The following SIRPG variants were observed in gnomAD, a reference collection of about 807,000 sequenced individuals.
The protein encoded by SIRPG is signal regulatory protein gamma.
In SIRPG, 38 loss-of-function variants were observed where a neutral mutation model predicts 35.7. That is an observed-to-expected ratio of 1.06 (90% confidence interval 0.82 to 1.40). SIRPG has a LOEUF of 1.40. SIRPG is among the 40% of genes most tolerant of loss of function. SIRPG has a pLI of 0.00. For missense variants in SIRPG, 519 were observed against 483.0 expected (o/e 1.07, Z -0.70); for synonymous variants, 215 against 190.4 (o/e 1.13, Z -1.06).
chr20:1,632,075 G>T (rs927971075), intron 4 of SIRPG, among the ~76,000 whole-genome samples: 1 of 152,148 alleles, frequency 6.6e-6, no homozygotes, highest in Non-Finnish European at 1.5e-5. Context: ...TTCAACGGTT[G>T]CTATGCTGGG....
intron 2 of SIRPG, among the ~76,000 whole-genome samples, chr20:1,642,364 T>C (rs1173698477): frequency 1.3e-5 from 2 of 152,198 alleles, no homozygotes; most frequent in East Asian, 3.8e-4. Context: ...GTTTAAAGTT[T>C]GTTTTGTCAG....
upstream of SIRPG, among the ~76,000 whole-genome samples, chr20:1,660,544 C>T (rs1051157646): frequency 6.6e-6 from 1 of 152,158 alleles, no homozygotes; most frequent in South Asian, 2.1e-4. Flanking sequence ...AGAATCTGTG[C>T]TTAGAGCAGC....
chr20:1,649,436 T>C, intron 1 of SIRPG, 28 bp from the exon 2 acceptor site: 1 of 1,565,492 alleles, frequency 6.4e-7, no homozygotes, highest in Non-Finnish European at 8.7e-7. Flanking sequence ...GCAATCATTT[T>C]TTCATCCTTA....
At chr20:1,643,843 T>C (rs1035064940) in intron 2 of SIRPG, among the ~76,000 whole-genome samples, 13 of 152,098 alleles carry the variant, frequency 8.5e-5, no homozygotes, top group Non-Finnish European at 1.6e-4. Context: ...GCTGCTGCAG[T>C]TTGTTGGGGG....
the SIRPG span, among the ~76,000 whole-genome samples, chr20:1,685,589 G>C: frequency 6.6e-6 from 1 of 152,144 alleles, no homozygotes; most frequent in Non-Finnish European, 1.5e-5. Context: ...TGTAATTTTA[G>C]CTGCCCAGTC....
chr20:1,656,892 GA>G (rs1445624931), intron 1 of SIRPG, among the ~76,000 whole-genome samples: 1 of 151,940 alleles, frequency 6.6e-6, no homozygotes, highest in African/African-American at 2.4e-5. Context: ...TTTTTAATTT[GA>G]AAAATCAGAC....
rs16995649 is a variant in SIRPG at position 1,630,678 on chromosome 20, G to A, written c.1082-372C>T. 516 of 220,654 alleles carry A rather than the reference G, an allele frequency of 2.3e-3. 4 individuals carry two copies. The highest frequency in any genetic ancestry group is 0.012 in the African/African-American group (502 of 42,258). 13.7% of individuals were successfully genotyped at this position (220,654 alleles called of 1,614,324 possible). On this transcript the variant is annotated intron_variant, in intron 4 of 5. Coordinates refer to ENST00000303415, the MANE Select transcript of SIRPG (RefSeq NM_018556.4). ...CATGGATTTTAGGGAGGGTCACAAG[G>A]TTACTTGCATTCAAACCTAAAGAAG...
At chr20:1,675,537 A>G in the SIRPG span, among the ~76,000 whole-genome samples, 938 of 152,308 alleles carry the variant, frequency 6.2e-3, 19 homozygotes, top group African/African-American at 0.021. Context: ...TTTAAAAAGC[A>G]TAGCTGAGGG....
the SIRPG span, among the ~76,000 whole-genome samples, chr20:1,677,546 A>G: frequency 6.6e-6 from 1 of 152,224 alleles, no homozygotes; most frequent in Non-Finnish European, 1.5e-5. Flanking sequence ...CAGCTTAAAA[A>G]GAAATAACAT....
At chr20:1,669,514 C>G in the SIRPG span, among the ~76,000 whole-genome samples, 27 of 152,218 alleles carry the variant, frequency 1.8e-4, 1 homozygote, top group Non-Finnish European at 1.6e-4. Flanking sequence ...TTTCCCACAG[C>G]AGATGCCAGA....
At chr20:1,645,503 T>C (rs945635593) in intron 2 of SIRPG, among the ~76,000 whole-genome samples, 1 of 152,218 alleles carries the variant, frequency 6.6e-6, no homozygotes, top group African/African-American at 2.4e-5. Context: ...CCTTGAGGCC[T>C]GGAGGAGCAC....
chr20:1,684,264 C>T, the SIRPG span, among the ~76,000 whole-genome samples: 1 of 151,994 alleles, frequency 6.6e-6, no homozygotes, highest in Non-Finnish European at 1.5e-5. Flanking sequence ...ATATGTTGTA[C>T]ATGATAAGTA....
intron 2 of SIRPG, chr20:1,646,919 T>A (rs2091902175): frequency 6.6e-6 from 1 of 152,444 alleles, no homozygotes; most frequent in Admixed American, 6.5e-5. Flanking sequence ...AGTGCTGGGA[T>A]TACAGGCATG....
chr20:1,665,905 A>G, the SIRPG span, among the ~76,000 whole-genome samples: 9 of 152,040 alleles, frequency 5.9e-5, no homozygotes, highest in East Asian at 1.7e-3. Context: ...TTTTGGATAT[A>G]TATAAAAAAA....
chr20:1,659,510 T>G (rs1475871469), upstream of SIRPG, among the ~76,000 whole-genome samples: 1 of 152,234 alleles, frequency 6.6e-6, no homozygotes, highest in Non-Finnish European at 1.5e-5. Flanking sequence ...CAGCTATCAT[T>G]TATTGAGAGT....
Position 1,635,435 on chromosome 20 carries a change from C to G in SIRPG, c.913G>C (p.Asp305His), listed in dbSNP as rs542506528. The change falls in exon 4 of 6, where the codon GAT becomes CAT. Residue 305 changes from aspartate to histidine, a missense_variant. By Grantham distance (81) the Asp-to-His change is moderately conservative (BLOSUM62 -1). Transcript: ENST00000303415. Reference sequence around the variant, plus strand: ...CAGCTTGTCCAGTTGTAGGTACCATCCTTGTTCTCTGTAAGGGTCGAGGCT... The same window carrying G: ...CAGCTTGTCCAGTTGTAGGTACCATGCTTGTTCTCTGTAAGGGTCGAGGCT... ...ETASTLTENK[D>H]GTYNWTSWFL... 8 of 1,614,142 alleles carry G rather than the reference C, an allele frequency of 5.0e-6. No homozygotes were observed. In the East Asian group the frequency reaches 1.8e-4, roughly 36 times the overall value.
upstream of SIRPG, among the ~76,000 whole-genome samples, chr20:1,661,768 G>A (rs1024949892): frequency 1.5e-4 from 23 of 152,228 alleles, no homozygotes; most frequent in Non-Finnish European, 3.2e-4. Flanking sequence ...TCTCTGGGAA[G>A]TTGTGGATGT....
At chr20:1,682,416 A>G in the SIRPG span, among the ~76,000 whole-genome samples, 2 of 152,192 alleles carry the variant, frequency 1.3e-5, no homozygotes, top group African/African-American at 4.8e-5. Context: ...CAAAAACCCT[A>G]TGACCATCTC....
chr20:1,650,000 G>GTATATATATATATATA (rs1491226682), intron 1 of SIRPG, among the ~76,000 whole-genome samples: 7 of 85,378 alleles, frequency 8.2e-5, no homozygotes, highest in African/African-American at 3.4e-4. Flanking sequence ...CTACTTTGAA[G>GTATATATATATATATA]TGTGTATATA....
Sources: gnomAD v4.1 joint callset for allele counts (sites outside exome capture counted in the v4.1 genomes callset) on GRCh38, gnomAD v4.1.1 for gene constraint, MANE v1.5 for transcripts, NCBI Gene and HGNC (gene_info 2026-07-23, HGNC 2026-07-21) for gene names.